The following EFCAB13 variants were observed in gnomAD, a reference collection of about 807,000 sequenced individuals.
The protein encoded by EFCAB13 is EF-hand calcium-binding domain-containing protein 13.
A neutral mutation model predicts 110.2 loss-of-function variants in EFCAB13; 91 were observed. That is an observed-to-expected ratio of 0.83 (90% CI 0.70 to 0.98). The LOEUF (loss-of-function observed/expected upper bound fraction) is 0.98, where lower values mean the gene tolerates loss of function less well. Ranked by LOEUF, EFCAB13 falls within the 50% of genes least tolerant of loss-of-function variation. EFCAB13 has a pLI of 0.00. For synonymous variants in EFCAB13, 323 were observed against 369.9 expected (o/e 0.87, Z 1.45); for missense variants, 968 against 1,119.4 (o/e 0.86, Z 1.93).
intron 2 of EFCAB13, among the ~76,000 whole-genome samples, chr17:47,325,093 C>T (rs1260850338): frequency 6.9e-6 from 1 of 144,596 alleles, no homozygotes; most frequent in Non-Finnish European, 1.5e-5. Flanking sequence ...CAATCATAGC[C>T]CACTGCAGCT....
chr17:47,398,161 G>A (rs1447580738), intron 17 of EFCAB13, among the ~76,000 whole-genome samples: 2 of 143,860 alleles, frequency 1.4e-5, no homozygotes, highest in African/African-American at 2.6e-5. Flanking sequence ...GAGGTGAGGG[G>A]CGCCTCTGCC....
At chr17:47,360,299 C>G (rs1292403371) in intron 9 of EFCAB13, among the ~76,000 whole-genome samples, 1 of 152,056 alleles carries the variant, frequency 6.6e-6, no homozygotes, top group Admixed American at 6.5e-5. Context: ...TGTTTCCTGA[C>G]TTTTTAATGA....
rs8072997 is a variant in EFCAB13 at position 47,352,248 on chromosome 17, C to T, written c.661+4297C>T. On this transcript the variant is annotated intron_variant, in intron 9 of 24. Coordinates refer to ENST00000331493, the MANE Select transcript of EFCAB13 (RefSeq NM_152347.5). ...TCAAGTATTACATTTAAGTTTATAT[C>T]CATCTTGAGTTGATTTTGTATATGG... Among the ~76,000 whole-genome samples the T allele has an allele frequency of 3.6e-3, 546 of 152,062 alleles. 1 individual carries two copies. The highest frequency in any genetic ancestry group is 0.012 in the African/African-American group (503 of 41,474).
intron 10 of EFCAB13, 64 bp downstream of exon 10, chr17:47,361,585 C>G (rs2065513741): frequency 7.1e-7 from 1 of 1,416,080 alleles, no homozygotes; most frequent in African/African-American, 1.4e-5. Context: ...ACATTTTTTT[C>G]CGGATATCAA....
Position 47,325,272 on chromosome 17 carries a change from C to G in EFCAB13, c.-248+749C>G, listed in dbSNP as rs987536179. On this transcript the variant is annotated intron_variant, in intron 2 of 24. Transcript: ENST00000331493. ...TTAAGCAGCCCTCCTGCTTAGACCC[C>G]CACCCCCGCATCAAAGTGTTGGGAT... Among the ~76,000 whole-genome samples, 5 of 151,620 alleles carry G rather than the reference C, an allele frequency of 3.3e-5. No individual in the cohort carries two copies. In the South Asian group the frequency reaches 1.0e-3, roughly 32 times the overall value.
intron 5 of EFCAB13, among the ~76,000 whole-genome samples, chr17:47,336,680 C>T (rs1000158887): frequency 2.7e-5 from 4 of 147,866 alleles, no homozygotes; most frequent in African/African-American, 1.0e-4. Flanking sequence ...ACCTCATGAT[C>T]TGCCCGCCTG....
chr17:47,401,207 T>C (rs1183058315), intron 17 of EFCAB13, among the ~76,000 whole-genome samples: 2 of 152,248 alleles, frequency 1.3e-5, no homozygotes, highest in Non-Finnish European at 2.9e-5. Context: ...ACATTGTTAA[T>C]TGTAGCTATA....
chr17:47,396,060 C>T, intron 17 of EFCAB13, 83 bp downstream of exon 17: 1 of 1,233,630 alleles, frequency 8.1e-7, no homozygotes, highest in South Asian at 2.0e-5. Flanking sequence ...GTATCTTGTA[C>T]TTGGCGAGAC....
chr17:47,417,168 C>G (rs1904478028), intron 23 of EFCAB13, among the ~76,000 whole-genome samples: 1 of 152,136 alleles, frequency 6.6e-6, no homozygotes, highest in African/African-American at 2.4e-5. Flanking sequence ...TATGTTGACT[C>G]TTCATTAAGT....
chr17:47,341,842 A>C (rs1178134173), intron 5 of EFCAB13, 79 bp from the exon 6 acceptor site: 6 of 824,108 alleles, frequency 7.3e-6, no homozygotes, highest in Non-Finnish European at 9.6e-6. Context: ...TGTATATGTT[A>C]GAAAATTTCC....
At chr17:47,367,379 CG>C (rs937943493) in intron 10 of EFCAB13, among the ~76,000 whole-genome samples, 4 of 152,172 alleles carry the variant, frequency 2.6e-5, no homozygotes, top group African/African-American at 9.7e-5. Flanking sequence ...ATTTGCTTCT[CG>C]TGGCGGCAAG....
intron 17 of EFCAB13, among the ~76,000 whole-genome samples, chr17:47,397,953 C>A (rs554166719): frequency 2.1e-4 from 32 of 150,892 alleles, no homozygotes; most frequent in African/African-American, 7.3e-4. Flanking sequence ...GCCGCCCCGT[C>A]CGGGAGGGAG....
chr17:47,351,304 TGCGCGCGCGCGCGCGC>T (rs71141904), intron 9 of EFCAB13, among the ~76,000 whole-genome samples: 5 of 122,980 alleles, frequency 4.1e-5, no homozygotes, highest in African/African-American at 1.3e-4. Flanking sequence ...TGTGTGTGTG[TGCGCGCGCGCGCGCGC>T]GCGCGCGCCA....
intron 15 of EFCAB13, 98 bp downstream of exon 15, chr17:47,391,678 A>T (rs2065708773): frequency 9.0e-7 from 1 of 1,109,620 alleles, no homozygotes; most frequent in Admixed American, 3.4e-5. Context: ...TTTTTATTAT[A>T]AAAAGTTAAA....
rs545480431 is a variant in EFCAB13 at position 47,375,483 on chromosome 17, C to T, written c.1372+517C>T. On this transcript the variant is annotated intron_variant, in intron 12 of 24. Coordinates refer to ENST00000331493, the MANE Select transcript of EFCAB13 (RefSeq NM_152347.5). ...TAACTTTTTTTTTTTTTCATAGAGA[C>T]GGGGGTCCCATAATGTTCCCAAGGC... 4.7e-5 allele frequency among the ~76,000 whole-genome samples: 7 copies of T among 150,412 alleles called. No individual in the cohort carries two copies. The South Asian group carries it at 6.3e-4, about 14-fold the overall frequency.
At chr17:47,415,138 C>CA (rs1393729180) in intron 23 of EFCAB13, among the ~76,000 whole-genome samples, 2 of 150,396 alleles carry the variant, frequency 1.3e-5, no homozygotes, top group Admixed American at 6.7e-5. Flanking sequence ...ATCACAAGAA[C>CA]AAAAAACCAA....
At chr17:47,393,979 A>T in intron 15 of EFCAB13, 46 bp from the exon 16 acceptor site, 1 of 1,086,238 alleles carries the variant, frequency 9.2e-7, no homozygotes, top group Admixed American at 2.4e-5. Flanking sequence ...ATTTTTCATA[A>T]TAATACTTAA....
chr17:47,329,938 T>C (rs1016908100), intron 4 of EFCAB13: 5 of 152,186 alleles, frequency 3.3e-5, no homozygotes, highest in Admixed American at 3.3e-4. Context: ...ATGATGCAGA[T>C]TCTAAAAGTC....
At chr17:47,439,062 T>C (rs1178088013) in intron 24 of EFCAB13, among the ~76,000 whole-genome samples, 1 of 152,062 alleles carries the variant, frequency 6.6e-6, no homozygotes, top group Admixed American at 6.6e-5. Flanking sequence ...GCAAGGGGAC[T>C]CTCTTCTTAT....
Sources: gnomAD v4.1 joint callset for allele counts (sites outside exome capture counted in the v4.1 genomes callset) on GRCh38, gnomAD v4.1.1 for gene constraint, MANE v1.5 for transcripts, NCBI Gene and HGNC (gene_info 2026-07-23, HGNC 2026-07-21) for gene names.